OR8S1: variants seen among roughly 807,000 people sequenced by gnomAD.
OR8S1 encodes the protein olfactory receptor 8S1.
For missense variants in OR8S1, 362 were observed against 372.1 expected (o/e 0.97, Z 0.22); for synonymous variants, 150 against 151.4 (o/e 0.99, Z 0.07).
chr12:48,526,054 T>C, exon 1 of OR8S1: 1 of 1,614,168 alleles, frequency 6.2e-7, no homozygotes, highest in Non-Finnish European at 8.5e-7. Context: ...AACAGCTGTA[T>C]ATGCACCTTG....
chr12:48,526,104 T>C (rs1408914388), exon 1 of OR8S1: 10 of 1,614,040 alleles, frequency 6.2e-6, no homozygotes, highest in Non-Finnish European at 8.5e-6. Flanking sequence ...GACGCACTCA[T>C]CAATGTCCTC....
exon 1 of OR8S1, chr12:48,526,440 T>C: frequency 6.2e-7 from 1 of 1,613,656 alleles, no homozygotes. Flanking sequence ...CCCATAGAGT[T>C]GATCTTCTCT....
At chr12:48,526,058 C>G (rs760546597) in exon 1 of OR8S1, 5 of 1,614,188 alleles carry the variant, frequency 3.1e-6, no homozygotes, top group Non-Finnish European at 3.4e-6. Context: ...GCTGTATATG[C>G]ACCTTGTGTG....
exon 1 of OR8S1, chr12:48,526,356 C>T: frequency 1.2e-6 from 2 of 1,614,190 alleles, no homozygotes; most frequent in Non-Finnish European, 8.5e-7. Context: ...TCCACCTGCT[C>T]TGCCCACCTC....
At chr12:48,526,061 C>T (rs766356583) in exon 1 of OR8S1, 5 of 1,614,140 alleles carry the variant, frequency 3.1e-6, no homozygotes, top group Admixed American at 1.7e-5. Flanking sequence ...GTATATGCAC[C>T]TTGTGTGGGG....
exon 1 of OR8S1, chr12:48,526,019 C>G: frequency 6.2e-7 from 1 of 1,614,210 alleles, no homozygotes; most frequent in Non-Finnish European, 8.5e-7. Flanking sequence ...CTGCCGCCCA[C>G]TACTTTATGG....
chr12:48,526,404 GC>G lies in OR8S1; in HGVS notation c.775del (p.His259IlefsTer10), dbSNP rs760451938. On this transcript the variant is annotated frameshift_variant, in exon 1 of 1. Transcript: ENST00000641651. LOFTEE classifies it low-confidence loss of function (END_TRUNC). ...CTTTACTATGGCTCAGGTTTGCTCC[GC>G]CATCTCATGCCAAACTCAGGTTCCC... is the stretch of plus-strand genomic sequence containing the variant. The G allele has an allele frequency of 6.2e-6, 10 of 1,614,016 alleles. No homozygotes were observed. The highest frequency in any genetic ancestry group is 8.5e-6 in the Non-Finnish European group (10 of 1,180,020).
chr12:48,526,010 T>C (rs2705143), exon 1 of OR8S1: 299,703 of 1,614,020 alleles, frequency 0.19, 29,806 homozygotes, highest in South Asian at 0.31. Context: ...TGCTGCCATC[T>C]GCCGCCCACT....
At chr12:48,525,769 G>T (rs377377130) in exon 1 of OR8S1, 13 of 1,614,004 alleles carry the variant, frequency 8.1e-6, no homozygotes, top group Admixed American at 1.7e-5. Flanking sequence ...TGATGCTGCT[G>T]CTCATGATCA....
chr12:48,526,395 G>A, exon 1 of OR8S1: 1 of 1,614,092 alleles, frequency 6.2e-7, no homozygotes, highest in South Asian at 1.1e-5. Flanking sequence ...TATGGCTCAG[G>A]TTTGCTCCGC....
chr12:48,525,727 G>A (rs1565580176), exon 1 of OR8S1: 2 of 1,614,092 alleles, frequency 1.2e-6, no homozygotes, highest in East Asian at 2.2e-5. Context: ...TGCTGTTCCT[G>A]GGGATTTACC....
At chr12:48,526,271 G>T in exon 1 of OR8S1, 1 of 1,613,910 alleles carries the variant, frequency 6.2e-7, no homozygotes, top group Non-Finnish European at 8.5e-7. Flanking sequence ...CTTCCTTTTG[G>T]TCTTCTTATC....
rs773801296 is a variant in OR8S1 at position 48,526,046 on chromosome 12, C to T, written c.415C>T (p.Gln139Ter). 3.7e-6 allele frequency: 6 copies of T among 1,614,134 alleles called. No homozygotes were observed. The East Asian group carries it at 8.9e-5, about 24-fold the overall frequency. The change falls in exon 1 of 1, where the codon CAG becomes TAG. Residue 139 changes from glutamine to a stop codon, truncating the protein, a stop_gained. Transcript: ENST00000641651. LOFTEE classifies it low-confidence loss of function (END_TRUNC). ...ACTTTATGGACAGATCATGGGTAAA[C>T]AGCTGTATATGCACCTTGTGTGGGG...
chr12:48,526,528 G>C, exon 1 of OR8S1: 1 of 1,592,828 alleles, frequency 6.3e-7, no homozygotes, highest in Non-Finnish European at 8.5e-7. Context: ...AGGTAGCTCT[G>C]AAAAGAACTT....
chr12:48,526,434 T>A, exon 1 of OR8S1: 1 of 1,613,914 alleles, frequency 6.2e-7, no homozygotes, highest in Non-Finnish European at 8.5e-7. Flanking sequence ...GGTTCCCCCA[T>A]AGAGTTGATC....
At chr12:48,525,918 G>T (rs1361910476) in exon 1 of OR8S1, 1 of 1,614,152 alleles carries the variant, frequency 6.2e-7, no homozygotes, top group Admixed American at 1.7e-5. Context: ...TCAGTAGAGG[G>T]CTGCCTGGCT....
At chr12:48,525,983 A>G in exon 1 of OR8S1, 1 of 1,614,146 alleles carries the variant, frequency 6.2e-7, no homozygotes, top group Middle Eastern at 1.6e-4. Context: ...TCTCTCAGGG[A>G]TGGCCTATGA....
exon 1 of OR8S1, chr12:48,526,443 T>A (rs1310551544): frequency 3.1e-6 from 5 of 1,613,700 alleles, no homozygotes; most frequent in Non-Finnish European, 4.2e-6. Flanking sequence ...ATAGAGTTGA[T>A]CTTCTCTGTG....
rs149245662 is a variant in OR8S1 at position 48,525,721 on chromosome 12, G to T, written c.90G>T (p.Leu30=). Residue 30 remains leucine, a synonymous_variant, in exon 1 of 1, where the codon CTG becomes CTT. Transcript: ENST00000641651. The stretch of plus-strand genomic sequence containing the variant: ...ACATCCGGGCTCTGCTCTTTGTGCT[G>T]TTCCTGGGGATTTACCTCCTGACCA... The T allele has an allele frequency of 1.9e-6, 3 of 1,614,014 alleles. No individual in the cohort carries two copies. In the African/African-American group the frequency reaches 4.0e-5, roughly 22 times the overall value.
Sources: allele counts gnomAD v4.1 joint callset, GRCh38; gene constraint gnomAD v4.1.1; transcripts MANE v1.5; gene names NCBI Gene and HGNC (gene_info 2026-07-23, HGNC 2026-07-21).